NCOA3: variants seen among roughly 807,000 people sequenced by gnomAD.
NCOA3 encodes the protein nuclear receptor coactivator 3, also known as CBP-interacting protein.
In NCOA3, 51 loss-of-function variants were observed where a neutral mutation model predicts 158.8. That is an observed-to-expected ratio of 0.32 (90% CI 0.26 to 0.41). NCOA3 has a LOEUF of 0.41. Ranked by LOEUF, NCOA3 falls within the 10% of genes least tolerant of loss-of-function variation. NCOA3 has a pLI of 1.00. For synonymous variants in NCOA3, 537 were observed against 592.4 expected (o/e 0.91, Z 1.36); for missense variants, 1,510 against 1,746.6 (o/e 0.86, Z 2.41).
At chr20:47,601,821 C>T (rs1053829868) in intron 2 of NCOA3, among the ~76,000 whole-genome samples, 3 of 152,230 alleles carry the variant, frequency 2.0e-5, no homozygotes, top group East Asian at 3.9e-4. Context: ...TTCAAAATTG[C>T]GTTTTCTGGG....
chr20:47,518,848 A>G (rs1885972122), intron 1 of NCOA3, among the ~76,000 whole-genome samples: 1 of 152,142 alleles, frequency 6.6e-6, no homozygotes, highest in Admixed American at 6.6e-5. Context: ...AGATTCATCT[A>G]AGAAATGACT....
At chr20:47,505,871 G>C (rs1244241487) in intron 1 of NCOA3, among the ~76,000 whole-genome samples, 3 of 143,582 alleles carry the variant, frequency 2.1e-5, no homozygotes, top group Non-Finnish European at 3.0e-5. Flanking sequence ...GCATGATCTC[G>C]GCTCACTGCA....
At chr20:47,618,044 C>T (rs2086167792) in intron 2 of NCOA3, among the ~76,000 whole-genome samples, 1 of 152,070 alleles carries the variant, frequency 6.6e-6, no homozygotes, top group South Asian at 2.1e-4. Flanking sequence ...CGAGACCAGC[C>T]TGGCCATCAT....
At chr20:47,648,090 A>G (rs1002645660) in intron 18 of NCOA3, among the ~76,000 whole-genome samples, 2 of 151,772 alleles carry the variant, frequency 1.3e-5, no homozygotes, top group Admixed American at 6.6e-5. Context: ...TTTTTAGTAG[A>G]GACAGGGTTT....
At chr20:47,598,537 A>G (rs2085802238) in intron 2 of NCOA3, among the ~76,000 whole-genome samples, 1 of 151,982 alleles carries the variant, frequency 6.6e-6, no homozygotes. Context: ...GGGTTTCACC[A>G]TGTTGGCCAA....
chr20:47,622,342 A>T lies in NCOA3; in HGVS notation c.83+12A>T. 6.5e-7 allele frequency: 1 copy of T among 1,548,324 alleles called. No homozygotes were observed. The highest frequency in any genetic ancestry group is 1.9e-5 in the Admixed American group (1 of 52,748). ...ACTCCAGGACAAGGGTAGGTGACTTATTTCCTGGTGCTTTACCACACTTGT... is the reference window on the plus strand; with the variant it reads ...ACTCCAGGACAAGGGTAGGTGACTTTTTTCCTGGTGCTTTACCACACTTGT... On this transcript the variant is annotated intron_variant, in intron 3 of 22. Transcript: ENST00000371998.
Position 47,642,087 on chromosome 20 carries a change from G to T in NCOA3, c.3081-126G>T. On this transcript the variant is annotated intron_variant, in intron 16 of 22. Transcript: ENST00000371998. Reference sequence around the variant, plus strand: ...GCCATTCACTCTTTTTTACCACTTGGTTTATTATTTGTGTTTGTAGCATTT... The same window carrying T: ...GCCATTCACTCTTTTTTACCACTTGTTTTATTATTTGTGTTTGTAGCATTT... 5.3e-6 allele frequency: 4 copies of T among 753,282 alleles called. No homozygotes were observed. In the South Asian group the frequency reaches 9.0e-5, roughly 17 times the overall value. The allele number at this position is 753,282 out of a possible 1,614,324, so 46.7% of individuals were successfully genotyped here.
intron 17 of NCOA3, among the ~76,000 whole-genome samples, chr20:47,645,543 G>A (rs1290358273): frequency 3.3e-5 from 5 of 151,900 alleles, no homozygotes; most frequent in Admixed American, 1.3e-4. Context: ...ATCTTGTTGC[G>A]TTATTAGTGT....
chr20:47,567,044 G>GTATA (rs1294639951), intron 1 of NCOA3, among the ~76,000 whole-genome samples: 1 of 151,778 alleles, frequency 6.6e-6, no homozygotes, highest in African/African-American at 2.4e-5. Context: ...ATGTATGTAT[G>GTATA]TATGTATGTA....
chr20:47,634,066 C>G lies in NCOA3; in HGVS notation c.983C>G (p.Ala328Gly). 6.2e-7 allele frequency: 1 copy of G among 1,614,070 alleles called. No homozygotes were observed. Among genetic ancestry groups the G allele is most frequent in the Non-Finnish European group, 8.5e-7 (1 of 1,179,994 alleles). The change falls in exon 10 of 23, where the codon GCA becomes GGA. Residue 328 changes from alanine to glycine, a missense_variant. Transcript: ENST00000371998. ...CCAACAGCTTATCTTAATGGCCATGCAGAAACCCCAGTATATCGATTCTCG... is the reference window on the plus strand; with the variant it reads ...CCAACAGCTTATCTTAATGGCCATGGAGAAACCCCAGTATATCGATTCTCG... ...HYQEAYLNGH[A>G]ETPVYRFSLA...
Position 47,624,037 on chromosome 20 carries a change from G to A in NCOA3, c.210G>A (p.Ala70=), listed in dbSNP as rs372779215. ...TCAATGTCAAACCAGATAAATGTGC[G>A]ATTTTAAAGGAAACAGTAAGACAGA... is the stretch of plus-strand genomic sequence containing the variant. ...DNFNVKPDKC[A]ILKETVRQIR... The change falls in exon 4 of 23, where the codon GCG becomes GCA. Residue 70 remains alanine, a synonymous_variant. Coordinates refer to ENST00000371998, the MANE Select transcript of NCOA3 (RefSeq NM_181659.3). 4 of 1,612,386 alleles carry A rather than the reference G, an allele frequency of 2.5e-6. No homozygotes were observed. Among genetic ancestry groups the A allele is most frequent in the African/African-American group, 1.3e-5 (1 of 74,810 alleles).
intron 1 of NCOA3, among the ~76,000 whole-genome samples, chr20:47,582,833 C>T (rs1294742960): frequency 6.6e-6 from 1 of 152,150 alleles, no homozygotes; most frequent in Non-Finnish European, 1.5e-5. Context: ...CTCGCTCTGT[C>T]ACCCTGGCTG....
chr20:47,623,613 C>T (rs1249228440), intron 3 of NCOA3, among the ~76,000 whole-genome samples: 1 of 151,884 alleles, frequency 6.6e-6, no homozygotes, highest in Non-Finnish European at 1.5e-5. Flanking sequence ...CATGGTGAAA[C>T]ATCGTCTCAA....
At chr20:47,538,984 A>G (rs2084679861) in intron 1 of NCOA3, among the ~76,000 whole-genome samples, 1 of 152,248 alleles carries the variant, frequency 6.6e-6, no homozygotes, top group Admixed American at 6.5e-5. Context: ...TATTTAGAAC[A>G]AAAACTTGGA....
intron 1 of NCOA3, among the ~76,000 whole-genome samples, chr20:47,564,697 T>C (rs776178058): frequency 3.3e-5 from 5 of 152,212 alleles, no homozygotes; most frequent in African/African-American, 9.6e-5. Flanking sequence ...AAAGGATATA[T>C]GCATTTAAAG....
At chr20:47,600,915 G>A (rs1024713871) in intron 2 of NCOA3, among the ~76,000 whole-genome samples, 2 of 151,910 alleles carry the variant, frequency 1.3e-5, no homozygotes, top group Non-Finnish European at 2.9e-5. Context: ...TTTAAGTATA[G>A]GTCACATACT....
At chr20:47,613,637 G>A (rs2086079179) in intron 2 of NCOA3, among the ~76,000 whole-genome samples, 1 of 152,116 alleles carries the variant, frequency 6.6e-6, no homozygotes, top group Non-Finnish European at 1.5e-5. Flanking sequence ...AGTAGGCCAG[G>A]CGCGGCGGCT....
intron 1 of NCOA3, among the ~76,000 whole-genome samples, chr20:47,566,025 GT>G (rs2085188695): frequency 1.3e-5 from 2 of 152,100 alleles, no homozygotes; most frequent in African/African-American, 4.8e-5. Flanking sequence ...CCAGGCTGGA[GT>G]GCAGTCGCAC....
At chr20:47,516,168 C>T (rs974716924) in intron 1 of NCOA3, among the ~76,000 whole-genome samples, 7 of 152,088 alleles carry the variant, frequency 4.6e-5, no homozygotes, top group African/African-American at 1.7e-4. Context: ...CAGGAGTAAA[C>T]TCTAATGTGA....
Sources: gnomAD v4.1 joint callset for allele counts (sites outside exome capture counted in the v4.1 genomes callset) on GRCh38, gnomAD v4.1.1 for gene constraint, MANE v1.5 for transcripts, NCBI Gene and HGNC (gene_info 2026-07-23, HGNC 2026-07-21) for gene names.